Variants in NEK1 observed in about 807,000 individuals in gnomAD.
The protein encoded by NEK1 is NIMA related kinase 1.
NEK1 carries 137 observed loss-of-function variants against 182.1 expected under a neutral mutation model. The observed-to-expected ratio is 0.75, with a 90% CI of 0.65 to 0.87. The LOEUF (loss-of-function observed/expected upper bound fraction) is 0.87. Among genes scored for constraint, NEK1 ranks in the 40% least tolerant of loss-of-function variants. The pLI is 0.00. For missense variants in NEK1, 1,391 were observed against 1,494.4 expected (o/e 0.93, Z 1.14); for synonymous variants, 513 against 492.2 (o/e 1.04, Z -0.56).
At chr4:169,490,870 A>G (rs929663918) in intron 23 of NEK1, among the ~76,000 whole-genome samples, 3 of 152,114 alleles carry the variant, frequency 2.0e-5, no homozygotes, top group South Asian at 2.1e-4. Context: ...GAGGCCGGGC[A>G]TGGTGGCTCA....
chr4:169,594,396 C>T (rs1172859055), intron 5 of NEK1, among the ~76,000 whole-genome samples: 1 of 152,136 alleles, frequency 6.6e-6, no homozygotes, highest in Non-Finnish European at 1.5e-5. Flanking sequence ...AAAACTTGAA[C>T]TTGGCTTCTC....
At chr4:169,470,300 T>A (rs896845819) in intron 26 of NEK1, among the ~76,000 whole-genome samples, 2 of 152,140 alleles carry the variant, frequency 1.3e-5, no homozygotes, top group East Asian at 3.9e-4. Flanking sequence ...GCTTCCTTCA[T>A]GAGCTCTTAT....
intron 27 of NEK1, among the ~76,000 whole-genome samples, chr4:169,458,269 C>T (rs1011661227): frequency 6.6e-6 from 1 of 152,038 alleles, no homozygotes; most frequent in African/African-American, 2.4e-5. Context: ...GTCAACTGAT[C>T]TTTGGCAAAG....
chr4:169,606,992 C>T (rs981645116), intron 2 of NEK1, among the ~76,000 whole-genome samples: 2 of 152,122 alleles, frequency 1.3e-5, no homozygotes, highest in Non-Finnish European at 2.9e-5. Flanking sequence ...GGAGAGAAAG[C>T]GGTCAGAGTT....
chr4:169,445,704 A>AC (rs1416630298), intron 27 of NEK1, among the ~76,000 whole-genome samples: 1 of 151,870 alleles, frequency 6.6e-6, no homozygotes, highest in Non-Finnish European at 1.5e-5. Flanking sequence ...GAGAAGGCAA[A>AC]AAAAAACAAA....
At chr4:169,472,176 A>C in intron 26 of NEK1, among the ~76,000 whole-genome samples, 1 of 149,888 alleles carries the variant, frequency 6.7e-6, no homozygotes, top group Non-Finnish European at 1.5e-5. Context: ...CAAAAAAAAC[A>C]AAAAAAAACA....
intron 26 of NEK1, among the ~76,000 whole-genome samples, chr4:169,467,156 T>C (rs1035302940): frequency 6.6e-6 from 1 of 152,146 alleles, no homozygotes; most frequent in Non-Finnish European, 1.5e-5. Flanking sequence ...TATGAGAATA[T>C]AGTATATAAT....
chr4:169,409,436 G>A lies in NEK1; in HGVS notation c.3223-2689C>T, dbSNP rs575436011. On this transcript the variant is annotated intron_variant, in intron 31 of 35. Transcript: ENST00000507142. ...TGGGATTACAGGCGTGAGCCACCGC[G>A]CCCGGCCACTTACCTGTTTTTGGAC... Among the ~76,000 whole-genome samples the A allele has an allele frequency of 7.0e-4, 103 of 147,610 alleles. No individual in the cohort carries two copies. The East Asian group carries it at 0.016, about 23-fold the overall frequency.
At chr4:169,507,643 A>C (rs1753533160) in intron 22 of NEK1, 72 bp downstream of exon 22, 1 of 1,112,312 alleles carries the variant, frequency 9.0e-7, no homozygotes, top group Non-Finnish European at 1.3e-6. Context: ...ACTATGCAAA[A>C]CTTAAGAACA....
intron 2 of NEK1, among the ~76,000 whole-genome samples, chr4:169,606,754 C>A (rs567544857): frequency 6.6e-6 from 1 of 152,354 alleles, no homozygotes; most frequent in East Asian, 1.9e-4. Flanking sequence ...GTGAGACTCT[C>A]TTTCAACCAT....
chr4:169,593,648 G>A lies in NEK1; in HGVS notation c.313-2839C>T, dbSNP rs578097968. On this transcript the variant is annotated intron_variant, in intron 5 of 35. Coordinates refer to ENST00000507142, the MANE Select transcript of NEK1 (RefSeq NM_001199397.3). ...CTAGTTCAGACTCTTGCTACATTAG[G>A]GTTTGACCACATGGGGTTGGACTTG... 1.0e-3 allele frequency among the ~76,000 whole-genome samples: 154 copies of A among 152,244 alleles called. 3 individuals are homozygous for A. The highest frequency in any genetic ancestry group is 9.4e-4 in the Non-Finnish European group (64 of 68,002).
At position 169,401,694 on chromosome 4, in the gene NEK1, T is replaced by C; in HGVS notation, c.3541A>G (p.Asn1181Asp). Residue 1181 changes from asparagine (N) to aspartate (D), a missense_variant, in exon 33 of 36, where the codon AAT (asparagine) becomes GAT (aspartate). Asn to Asp is a conservative substitution (Grantham distance 23). Around this residue, in one of 5 missense-constraint regions of NEK1, gnomAD observed 1,216 missense variants for 1,277.6 expected, o/e 0.95. Coordinates refer to ENST00000507142, the MANE Select transcript of NEK1 (RefSeq NM_001199397.3). ...NGTDVADEDD[N>D]PSSESALNEE... ...TTCAGGGCACTTTCACTGCTGGGAT[T>C]GTCATCTTCATCTGCCACATCTGTC... 6.2e-7 allele frequency: 1 copy of C among 1,613,934 alleles called. No homozygotes were observed. Among genetic ancestry groups the C allele is most frequent in the Non-Finnish European group, 8.5e-7 (1 of 1,179,832 alleles).
chr4:169,407,754 C>T (rs1304826614), intron 31 of NEK1, among the ~76,000 whole-genome samples: 1 of 152,206 alleles, frequency 6.6e-6, no homozygotes, highest in African/African-American at 2.4e-5. Context: ...CTGATAAGAA[C>T]TCTTCACCAG....
intron 26 of NEK1, among the ~76,000 whole-genome samples, chr4:169,470,137 A>T (rs989549038): frequency 2.6e-5 from 4 of 152,122 alleles, no homozygotes; most frequent in African/African-American, 9.7e-5. Flanking sequence ...ATTTAAGGTT[A>T]ATATTGATAT....
At chr4:169,497,111 C>T (rs1751463310) in intron 23 of NEK1, among the ~76,000 whole-genome samples, 1 of 152,166 alleles carries the variant, frequency 6.6e-6, no homozygotes, top group African/African-American at 2.4e-5. Flanking sequence ...AGGGATTCAA[C>T]TTCTTCCTGG....
intron 27 of NEK1, among the ~76,000 whole-genome samples, chr4:169,452,893 A>G (rs926524279): frequency 2.2e-5 from 3 of 137,392 alleles, no homozygotes; most frequent in Admixed American, 1.4e-4. Context: ...TGCAGATGAC[A>G]TGATTGTATA....
At chr4:169,449,112 C>T (rs542637991) in intron 27 of NEK1, among the ~76,000 whole-genome samples, 5 of 152,348 alleles carry the variant, frequency 3.3e-5, no homozygotes, top group Non-Finnish European at 7.3e-5. Flanking sequence ...GAGGGGCATC[C>T]GCCATTGCTG....
intron 27 of NEK1, among the ~76,000 whole-genome samples, chr4:169,446,333 A>G (rs1740559751): frequency 6.6e-6 from 1 of 152,184 alleles, no homozygotes; most frequent in Non-Finnish European, 1.5e-5. Flanking sequence ...AATAAAAAAC[A>G]AAGAGCCATT....
chr4:169,564,286 ATTACT>A (rs1423687020), intron 12 of NEK1, among the ~76,000 whole-genome samples: 1 of 152,152 alleles, frequency 6.6e-6, no homozygotes, highest in Non-Finnish European at 1.5e-5. Flanking sequence ...GAAAGCAGAC[ATTACT>A]TAAAAAAATT....
Sources: allele counts gnomAD v4.1 joint callset (sites outside exome capture counted in the v4.1 genomes callset), GRCh38; gene constraint gnomAD v4.1.1; regional missense constraint gnomAD v4.1.1; transcripts MANE v1.5; gene names NCBI Gene and HGNC (gene_info 2026-07-23, HGNC 2026-07-21).